Variants in PTPN13 observed in about 807,000 individuals in gnomAD.
The protein encoded by PTPN13 is tyrosine-protein phosphatase non-receptor type 13.
PTPN13 carries 191 observed loss-of-function variants against 284.0 expected under a neutral mutation model. The observed-to-expected ratio is 0.67, with a 90% CI of 0.60 to 0.76. PTPN13 has a LOEUF of 0.76. PTPN13 is among the 30% of genes least tolerant of loss of function. The pLI is 0.00. For synonymous variants in PTPN13, 986 were observed against 1,022.3 expected (o/e 0.96, Z 0.68); for missense variants, 2,797 against 2,939.9 (o/e 0.95, Z 1.12).
intron 21 of PTPN13, 71 bp from the exon 22 acceptor site, chr4:86,758,607 T>G: frequency 1.5e-6 from 2 of 1,307,964 alleles, no homozygotes; most frequent in Non-Finnish European, 2.2e-6. Flanking sequence ...ATTTCTGTGT[T>G]TCAGGCAGGC....
intron 1 of PTPN13, among the ~76,000 whole-genome samples, chr4:86,602,232 G>A (rs1430458656): frequency 2.0e-5 from 3 of 152,140 alleles, no homozygotes; most frequent in Admixed American, 1.3e-4. Context: ...CTAGGAGCCA[G>A]AATGCCTGGG....
intron 1 of PTPN13, among the ~76,000 whole-genome samples, chr4:86,616,548 G>C (rs116007164): frequency 2.6e-5 from 4 of 151,902 alleles, no homozygotes; most frequent in South Asian, 2.1e-4. Flanking sequence ...GGGGCCATGG[G>C]GGGTGGGTGG....
At chr4:86,739,510 G>A (rs1735920707) in intron 15 of PTPN13, among the ~76,000 whole-genome samples, 1 of 152,076 alleles carries the variant, frequency 6.6e-6, no homozygotes, top group Admixed American at 6.5e-5. Context: ...AGAACAGCAT[G>A]GGAAAGACCT....
chr4:86,617,807 T>C (rs1720743375), intron 1 of PTPN13, among the ~76,000 whole-genome samples: 1 of 152,234 alleles, frequency 6.6e-6, no homozygotes, highest in African/African-American at 2.4e-5. Context: ...TTGAATTCTT[T>C]GTAGATTCTG....
At chr4:86,690,897 T>C (rs982610823) in intron 5 of PTPN13, among the ~76,000 whole-genome samples, 1 of 152,176 alleles carries the variant, frequency 6.6e-6, no homozygotes, top group African/African-American at 2.4e-5. Context: ...CTAGGGATTA[T>C]AGAAGATACA....
intron 26 of PTPN13, 100 bp from the exon 27 acceptor site, chr4:86,766,332 G>T: frequency 3.6e-6 from 3 of 822,404 alleles, no homozygotes. Flanking sequence ...TCCAGAATTT[G>T]CCTGAGTCCC....
intron 44 of PTPN13, among the ~76,000 whole-genome samples, chr4:86,806,156 C>CA (rs968115265): frequency 4.8e-4 from 58 of 121,436 alleles, no homozygotes; most frequent in Admixed American, 3.0e-3. Flanking sequence ...GACTCCATCT[C>CA]AAAAAAAAAA....
chr4:86,652,932 T>G (rs550977780), intron 2 of PTPN13, among the ~76,000 whole-genome samples: 1 of 152,106 alleles, frequency 6.6e-6, no homozygotes, highest in Admixed American at 6.6e-5. Context: ...TTTATTCTTT[T>G]TTATTCTTTC....
At chr4:86,737,889 T>C (rs35355289) in intron 15 of PTPN13, among the ~76,000 whole-genome samples, 12,441 of 152,094 alleles carry the variant, frequency 0.082, 647 homozygotes, top group Non-Finnish European at 0.11. Context: ...CCACCACGCC[T>C]GGCTAATTTT....
At chr4:86,671,751 A>G (rs1727742134) in intron 2 of PTPN13, among the ~76,000 whole-genome samples, 1 of 152,222 alleles carries the variant, frequency 6.6e-6, no homozygotes, top group Admixed American at 6.5e-5. Flanking sequence ...CAAGCAAAAT[A>G]TATACTTCGA....
At chr4:86,714,954 C>T (rs534103814) in intron 7 of PTPN13, among the ~76,000 whole-genome samples, 2 of 152,116 alleles carry the variant, frequency 1.3e-5, no homozygotes, top group East Asian at 3.9e-4. Context: ...TCTAACTCAG[C>T]CTTTATGTGG....
intron 1 of PTPN13, among the ~76,000 whole-genome samples, chr4:86,598,913 C>T (rs1012398961): frequency 1.9e-4 from 29 of 152,070 alleles, no homozygotes; most frequent in African/African-American, 5.1e-4. Context: ...TGCAGGTGCG[C>T]GCTATCCAGC....
At chr4:86,741,949 C>A (rs1736216097) in intron 16 of PTPN13, 133 bp downstream of exon 16, 2 of 675,806 alleles carry the variant, frequency 3.0e-6, no homozygotes, top group African/African-American at 1.9e-5. Context: ...TTAACTCTTC[C>A]TTTGTAGTTG....
At chr4:86,626,483 G>C (rs1272337070) in intron 1 of PTPN13, among the ~76,000 whole-genome samples, 1 of 151,782 alleles carries the variant, frequency 6.6e-6, no homozygotes, top group Non-Finnish European at 1.5e-5. Context: ...TTAGTTTTTT[G>C]TAACTATATT....
chr4:86,704,162 C>G (rs1211763182), intron 7 of PTPN13, among the ~76,000 whole-genome samples: 1 of 152,044 alleles, frequency 6.6e-6, no homozygotes, highest in Non-Finnish European at 1.5e-5. Context: ...CCAGCCTAGG[C>G]AACAAGAGCG....
rs767684160 is a variant in PTPN13, at chr4:86,701,811, T to C, written c.1195+10T>C. The C allele has an allele frequency of 3.2e-6, 5 of 1,581,144 alleles. No individual in the cohort carries two copies. The East Asian group carries it at 1.1e-4, about 35-fold the overall frequency. On this transcript the variant is annotated intron_variant, in intron 7 of 47. Transcript: ENST00000411767. ...GCCATGAATGTAGAAGGTTAGTAATTCTGTGCATGTTTGAGAAAGAATTGA... is the reference window on the plus strand; with the variant it reads ...GCCATGAATGTAGAAGGTTAGTAATCCTGTGCATGTTTGAGAAAGAATTGA...
chr4:86,755,376 G>T (rs1381855457), intron 20 of PTPN13, among the ~76,000 whole-genome samples: 8 of 151,114 alleles, frequency 5.3e-5, no homozygotes, highest in Admixed American at 4.0e-4. Context: ...AAAAACACTG[G>T]TTATTTTCCT....
intron 20 of PTPN13, among the ~76,000 whole-genome samples, chr4:86,755,109 T>C (rs1737824703): frequency 6.6e-6 from 1 of 152,072 alleles, no homozygotes; most frequent in South Asian, 2.1e-4. Context: ...TTCCTGCTGG[T>C]CAAGATTATT....
At chr4:86,649,331 T>C (rs1278835105) in intron 2 of PTPN13, among the ~76,000 whole-genome samples, 3 of 152,210 alleles carry the variant, frequency 2.0e-5, no homozygotes, top group Non-Finnish European at 4.4e-5. Context: ...TTTTCCCCAA[T>C]GTTTTTTCCT....
Sources: allele counts gnomAD v4.1 joint callset (sites outside exome capture counted in the v4.1 genomes callset), GRCh38; gene constraint gnomAD v4.1.1; transcripts MANE v1.5; gene names NCBI Gene and HGNC (gene_info 2026-07-23, HGNC 2026-07-21).